The following PPP2R3A variants were observed in gnomAD, a reference collection of about 807,000 sequenced individuals.
The protein encoded by PPP2R3A is protein phosphatase 2 regulatory subunit B''alpha, also known as serine/threonine-protein phosphatase 2A regulatory subunit B'' subunit alpha.
PPP2R3A carries 80 observed loss-of-function variants against 106.9 expected under a neutral mutation model. The observed-to-expected ratio is 0.75, with a 90% CI of 0.62 to 0.90. The LOEUF (loss-of-function observed/expected upper bound fraction) is 0.90, where lower values mean the gene tolerates loss of function less well. Ranked by LOEUF, PPP2R3A falls within the 40% of genes least tolerant of loss-of-function variation. The pLI is 0.00. For missense variants in PPP2R3A, 1,386 were observed against 1,350.4 expected (o/e 1.03, Z -0.41); for synonymous variants, 483 against 468.3 (o/e 1.03, Z -0.41).
intron 1 of PPP2R3A, among the ~76,000 whole-genome samples, chr3:135,984,038 AC>A (rs1382374942): frequency 6.6e-6 from 1 of 152,104 alleles, no homozygotes; most frequent in Non-Finnish European, 1.5e-5. Flanking sequence ...ACAGAAATCC[AC>A]CTTTTTGTTC....
intron 2 of PPP2R3A, among the ~76,000 whole-genome samples, chr3:136,005,531 C>CA (rs1423035909): frequency 6.6e-6 from 1 of 152,146 alleles, no homozygotes; most frequent in Non-Finnish European, 1.5e-5. Flanking sequence ...TGAATCTCCT[C>CA]ATTTGTTGGT....
intron 1 of PPP2R3A, among the ~76,000 whole-genome samples, chr3:135,992,222 C>CT (rs1471153285): frequency 1.3e-5 from 2 of 152,072 alleles, no homozygotes; most frequent in Non-Finnish European, 2.9e-5. Context: ...CCAAGATTGC[C>CT]TATGTTTTCC....
intron 10 of PPP2R3A, among the ~76,000 whole-genome samples, chr3:136,097,801 C>T (rs1937250778): frequency 6.6e-6 from 1 of 152,030 alleles, no homozygotes; most frequent in South Asian, 2.1e-4. Context: ...CCCTTTTGTA[C>T]TGAAACCATT....
intron 6 of PPP2R3A, 41 bp downstream of exon 6, chr3:136,070,593 T>C (rs773718030): frequency 6.6e-6 from 10 of 1,517,606 alleles, no homozygotes; most frequent in South Asian, 2.4e-5. Context: ...ACTCCATAAG[T>C]CACCTTTTTA....
chr3:135,985,627 C>G (rs1322270972), intron 1 of PPP2R3A, among the ~76,000 whole-genome samples: 1 of 152,130 alleles, frequency 6.6e-6, no homozygotes, highest in Non-Finnish European at 1.5e-5. Flanking sequence ...GACGGATTGT[C>G]TTACTTGGAA....
At chr3:135,996,872 G>A (rs78330343) in intron 1 of PPP2R3A, among the ~76,000 whole-genome samples, 1 of 151,976 alleles carries the variant, frequency 6.6e-6, no homozygotes, top group African/African-American at 2.4e-5. Flanking sequence ...CAATAATTTT[G>A]CTTTCAGTTT....
Position 136,146,920 on chromosome 3 carries a change from T to C in PPP2R3A, c.*1754T>C, listed in dbSNP as rs1939152782. ...AGCCAGATATGGTTTAAATGTTTTA[T>C]TATCCATAATGATCTAAACTAATAA... On this transcript the variant is annotated 3_prime_UTR_variant, in exon 14 of 14. Transcript: ENST00000264977. The C allele has an allele frequency of 6.6e-6, 1 of 152,116 alleles. No homozygotes were observed. Among genetic ancestry groups the C allele is most frequent in the South Asian group, 2.1e-4 (1 of 4,824 alleles). 9.4% of individuals were successfully genotyped at this position (152,116 alleles called of 1,614,324 possible).
chr3:136,055,525 C>T (rs550340807), intron 5 of PPP2R3A: 11 of 1,253,170 alleles, frequency 8.8e-6, no homozygotes, highest in Non-Finnish European at 1.3e-5. Context: ...TATCGTGCCT[C>T]ATTCTCTGCA....
intron 1 of PPP2R3A, among the ~76,000 whole-genome samples, chr3:135,967,199 T>A (rs1219397916): frequency 1.3e-5 from 2 of 152,298 alleles, no homozygotes; most frequent in Admixed American, 6.5e-5. Context: ...TTAGATCTTT[T>A]ATACAATCTA....
chr3:136,023,708 T>G (rs565824598), intron 2 of PPP2R3A, among the ~76,000 whole-genome samples: 4 of 151,498 alleles, frequency 2.6e-5, no homozygotes, highest in Non-Finnish European at 4.4e-5. Flanking sequence ...TATAGACAAT[T>G]GTGTATGTGT....
chr3:136,132,219 A>G (rs992070714), intron 13 of PPP2R3A, among the ~76,000 whole-genome samples: 1 of 152,164 alleles, frequency 6.6e-6, no homozygotes, highest in African/African-American at 2.4e-5. Flanking sequence ...GGATGTTTCT[A>G]TTCCTCACTG....
intron 3 of PPP2R3A, among the ~76,000 whole-genome samples, chr3:136,027,366 G>A (rs1216191368): frequency 6.6e-6 from 1 of 152,146 alleles, no homozygotes; most frequent in Non-Finnish European, 1.5e-5. Flanking sequence ...TTGCCAGGCA[G>A]CCTGGCCTAT....
intron 5 of PPP2R3A, among the ~76,000 whole-genome samples, chr3:136,063,890 C>T (rs1936168107): frequency 6.7e-6 from 1 of 149,678 alleles, no homozygotes; most frequent in Non-Finnish European, 1.5e-5. Context: ...CTAGAAATAC[C>T]ATTTGACCCA....
chr3:136,001,991 T>G lies in PPP2R3A; in HGVS notation c.493T>G (p.Tyr165Asp). 6.2e-7 allele frequency: 1 copy of G among 1,614,132 alleles called. No homozygotes were observed. The highest frequency in any genetic ancestry group is 8.5e-7 in the Non-Finnish European group (1 of 1,180,004). Residue 165 changes from tyrosine to aspartate, a missense_variant, in exon 2 of 14, where the codon TAT (tyrosine) becomes GAT (aspartate). Coordinates refer to ENST00000264977, the MANE Select transcript of PPP2R3A (RefSeq NM_002718.5). ...TGATTTGGACTTGCTTTGTGGCCATTATAACAACGATGGGAACGCCCCATC... is the reference window on the plus strand; with the variant it reads ...TGATTTGGACTTGCTTTGTGGCCATGATAACAACGATGGGAACGCCCCATC... ...SVDLDLLCGHYNNDGNAPSFG... is the reference protein window; with the variant it reads ...SVDLDLLCGHDNNDGNAPSFG...
At chr3:136,067,180 TA>T (rs1414521397) in intron 5 of PPP2R3A, among the ~76,000 whole-genome samples, 1 of 152,178 alleles carries the variant, frequency 6.6e-6, no homozygotes, top group Non-Finnish European at 1.5e-5. Context: ...TCAGAAAAAT[TA>T]GTAATAAAAC....
intron 5 of PPP2R3A, among the ~76,000 whole-genome samples, chr3:136,053,977 A>G (rs1935770884): frequency 6.6e-6 from 1 of 152,202 alleles, no homozygotes; most frequent in Non-Finnish European, 1.5e-5. Flanking sequence ...AAAAACACAT[A>G]CACAGAAAAA....
chr3:135,987,715 GTTC>G (rs1370365489), intron 1 of PPP2R3A, among the ~76,000 whole-genome samples: 1 of 86,102 alleles, frequency 1.2e-5, no homozygotes, highest in African/African-American at 4.6e-5. Flanking sequence ...TCCTTTGCTG[GTTC>G]TTCTTCAATT....
chr3:135,970,799 T>G (rs920338626), intron 1 of PPP2R3A, among the ~76,000 whole-genome samples: 6 of 152,208 alleles, frequency 3.9e-5, no homozygotes, highest in African/African-American at 1.4e-4. Context: ...TTTTTAGGGA[T>G]GTAGGTCAAT....
In PPP2R3A at chr3:136,145,311, A is replaced by AT; in HGVS notation, c.*146dup. On this transcript the variant is annotated 3_prime_UTR_variant, in exon 14 of 14. Coordinates refer to ENST00000264977, the MANE Select transcript of PPP2R3A (RefSeq NM_002718.5). ...GCACTAGGAACTTTGTTTTTAAGCA[A>AT]TAGGTCTGGATACACATTTAACTTA... is the stretch of plus-strand genomic sequence containing the variant. 9.8e-7 allele frequency: 1 copy of AT among 1,018,988 alleles called. No individual in the cohort carries two copies. The highest frequency in any genetic ancestry group is 3.3e-5 in the Admixed American group (1 of 29,914). The allele number at this position is 1,018,988 out of a possible 1,614,324, so 63.1% of individuals were successfully genotyped here. A position where few individuals can be genotyped will look rare whatever the true frequency, so the allele number is the denominator to read the frequency against.
Sources: gnomAD v4.1 joint callset for allele counts (sites outside exome capture counted in the v4.1 genomes callset) on GRCh38, gnomAD v4.1.1 for gene constraint, MANE v1.5 for transcripts, NCBI Gene and HGNC (gene_info 2026-07-23, HGNC 2026-07-21) for gene names.